NHS: variants seen among roughly 807,000 people sequenced by gnomAD.
NHS encodes NHS actin remodeling regulator.
In NHS, 5 loss-of-function variants were observed where a neutral mutation model predicts 72.5. The ratio of observed to expected loss-of-function variants is 0.07; its 90% CI spans 0.04 to 0.14. The LOEUF is 0.14. Among genes scored for constraint, NHS ranks in the 10% least tolerant of loss-of-function variants. The pLI is 1.00. For synonymous variants in NHS, 464 were observed against 547.7 expected, an observed-to-expected ratio of 0.85 and a Z score of 2.13; for missense variants, 1,072 against 1,355.7, an observed-to-expected ratio of 0.79 and a Z score of 3.29.
chrX:17,703,084 C>A (rs1379006253), intron 3 of NHS, among the ~76,000 whole-genome samples: 1 of 109,225 alleles, frequency 9.2e-6, no homozygotes, highest in African/African-American at 3.4e-5. Flanking sequence ...GCCTGGGCAA[C>A]ATTGTGAGAC....
intron 1 of NHS, among the ~76,000 whole-genome samples, chrX:17,568,552 G>A (rs1331202783): frequency 2.8e-5 from 3 of 105,351 alleles, no homozygotes; most frequent in Non-Finnish European, 5.8e-5. Flanking sequence ...TGAAACGAAA[G>A]TTTATTTCTT....
Position 17,599,768 on chromosome X carries a change from C to G in NHS, c.566-87974C>G. Among the ~76,000 whole-genome samples, 2 of 111,374 alleles carry G rather than the reference C, an allele frequency of 1.8e-5. 1 individual carries two copies. Among genetic ancestry groups the G allele is most frequent in the East Asian group, 5.6e-4 (2 of 3,557 alleles). ...TATTTAACGGGATGGGTTGATGACT[C>G]TAGTACCGTTCTTTGCTGGATAAAG... On this transcript the variant is annotated intron_variant, in intron 1 of 8. Coordinates refer to ENST00000676302, the MANE Select transcript of NHS (RefSeq NM_001291867.2).
chrX:17,615,827 T>G (rs2065743662), intron 1 of NHS, among the ~76,000 whole-genome samples: 1 of 88,493 alleles, frequency 1.1e-5, no homozygotes, highest in Admixed American at 1.4e-4. Context: ...ACAGTTCATC[T>G]TAAGTGTTAC....
At chrX:17,610,327 A>G (rs1015793806) in intron 1 of NHS, among the ~76,000 whole-genome samples, 13 of 112,572 alleles carry the variant, frequency 1.2e-4, no homozygotes, top group African/African-American at 4.2e-4. Context: ...GAATATTACC[A>G]AAACATAATT....
In NHS at chrX:17,728,273, T is replaced by C. The variant is rs767452227; in HGVS notation, c.4167T>C (p.Ser1389=). The C allele has an allele frequency of 1.1e-4, 128 of 1,210,465 alleles. No homozygotes were observed. The South Asian group carries it at 2.1e-3, about 19-fold the overall frequency. The change falls in exon 7 of 9, where the codon TCT becomes TCC. Residue 1389 remains serine (S), a synonymous_variant. Transcript: ENST00000676302. The part of the protein sequence containing the change: ...IASGISAKSA[S]DNSKAEETQG... ...CAGGTATTTCAGCCAAAAGTGCCTC[T>C]GATAACAGCAAAGCAGAGGAGACCC...
intron 1 of NHS, among the ~76,000 whole-genome samples, chrX:17,576,216 A>G (rs781547287): frequency 7.1e-5 from 8 of 112,081 alleles, no homozygotes; most frequent in Admixed American, 1.9e-4. Flanking sequence ...ATAATCAGTC[A>G]TGTATATATT....
In NHS at chrX:17,572,491, C is replaced by CTTTTTTTTTTTT. The variant is rs760577193; in HGVS notation, c.566-115240_566-115229dup. 2.8e-4 allele frequency among the ~76,000 whole-genome samples: 13 copies of CTTTTTTTTTTTT among 46,764 alleles called. 1 individual carries two copies. The highest frequency in any genetic ancestry group is 7.4e-4 in the East Asian group (1 of 1,349). 40.6% of individuals were successfully genotyped at this position (46,764 alleles called of 115,157 possible). On this transcript the variant is annotated intron_variant, in intron 1 of 8. Transcript: ENST00000676302. ...TCAGAGACCAGGACTGCAACCCCTGCTTTTTTTTTTTTTTTTTTTTTTGCT... is the reference window on the plus strand; with the variant it reads ...TCAGAGACCAGGACTGCAACCCCTGCTTTTTTTTTTTTTTTTTTTTTTTTTTTTTTTTTTGCT...
chrX:17,534,034 G>A (rs1193489500), intron 1 of NHS, among the ~76,000 whole-genome samples: 4 of 112,150 alleles, frequency 3.6e-5, no homozygotes, highest in Non-Finnish European at 3.8e-5. Flanking sequence ...CCCTTTTGAT[G>A]ATGAGTTCTC....
At chrX:17,385,187 T>A (rs2064399851) in intron 1 of NHS, among the ~76,000 whole-genome samples, 1 of 112,051 alleles carries the variant, frequency 8.9e-6, no homozygotes, top group Non-Finnish European at 1.9e-5. Context: ...CATCTCTCAA[T>A]CCATTAATGT....
chrX:17,631,762 G>T (rs2065822863), intron 1 of NHS, among the ~76,000 whole-genome samples: 1 of 111,889 alleles, frequency 8.9e-6, no homozygotes, highest in African/African-American at 3.3e-5. Context: ...GTATCAGCTG[G>T]GGATCAACAA....
At chrX:17,508,309 G>A (rs1392712442) in intron 1 of NHS, among the ~76,000 whole-genome samples, 1 of 110,846 alleles carries the variant, frequency 9.0e-6, no homozygotes, top group Admixed American at 9.6e-5. Flanking sequence ...CATATAACTG[G>A]AATCATACAA....
intron 1 of NHS, among the ~76,000 whole-genome samples, chrX:17,411,853 A>AT (rs1396716000): frequency 9.9e-5 from 11 of 111,170 alleles, no homozygotes; most frequent in Admixed American, 2.9e-4. Context: ...TGAGCAAGTA[A>AT]TTTTTTTTGA....
chrX:17,415,014 G>A (rs896441647), intron 1 of NHS, among the ~76,000 whole-genome samples: 2 of 111,272 alleles, frequency 1.8e-5, no homozygotes, highest in African/African-American at 6.5e-5. Flanking sequence ...TCTTGGTACT[G>A]AGCCTGCCCT....
At position 17,411,520 on chromosome X, in the gene NHS, G is replaced by A. The variant is rs140495250; in HGVS notation, c.565+35198G>A. ...TCACAGTCTGTGTCACCTTCAGGGC[G>A]TGGGTTTGACAGAAGATGACAGTAG... On this transcript the variant is annotated intron_variant, in intron 1 of 8. Coordinates refer to ENST00000676302, the MANE Select transcript of NHS (RefSeq NM_001291867.2). Among the ~76,000 whole-genome samples, 25 of 111,740 alleles carry A rather than the reference G, an allele frequency of 2.2e-4. No individual in the cohort carries two copies. The East Asian group carries it at 6.2e-3, about 28-fold the overall frequency.
At chrX:17,392,104 T>C (rs1213268327) in intron 1 of NHS, among the ~76,000 whole-genome samples, 1 of 111,660 alleles carries the variant, frequency 9.0e-6, no homozygotes, top group East Asian at 2.8e-4. Context: ...TAATAATTGC[T>C]CCAATTGTAG....
At chrX:17,615,237 CGT>C (rs1491456916) in intron 1 of NHS, among the ~76,000 whole-genome samples, 1 of 94,104 alleles carries the variant, frequency 1.1e-5, no homozygotes, top group African/African-American at 4.2e-5. Context: ...CATATATATA[CGT>C]ATATATATAC....
chrX:17,685,133 C>T (rs1488926630), intron 1 of NHS, among the ~76,000 whole-genome samples: 1 of 111,534 alleles, frequency 9.0e-6, no homozygotes, highest in Admixed American at 9.5e-5. Context: ...ACAGTTTTCC[C>T]TGGAAGAGCT....
At position 17,561,564 on chromosome X, in the gene NHS, G is replaced by A. The variant is rs200951417; in HGVS notation, c.566-126178G>A. Among the ~76,000 whole-genome samples, 289 of 66,786 alleles carry A rather than the reference G, an allele frequency of 4.3e-3. 1 individual carries two copies. The highest frequency in any genetic ancestry group is 5.5e-3 in the Non-Finnish European group (222 of 40,628). 58.0% of individuals were successfully genotyped at this position (66,786 alleles called of 115,157 possible). A position where few individuals can be genotyped will look rare whatever the true frequency, so the allele number is the denominator to read the frequency against. On this transcript the variant is annotated intron_variant, in intron 1 of 8. Transcript: ENST00000676302. ...TTCACACATGCAAGTGCATGCGCGC[G>A]CGCGCGCGCGCACACACACACACAC...
chrX:17,398,867 T>G (rs2064488829), intron 1 of NHS, among the ~76,000 whole-genome samples: 1 of 112,007 alleles, frequency 8.9e-6, no homozygotes, highest in Non-Finnish European at 1.9e-5. Context: ...TAGACTCTAC[T>G]TCTTGACTGG....
Sources: allele counts gnomAD v4.1 joint callset (sites outside exome capture counted in the v4.1 genomes callset), GRCh38; gene constraint gnomAD v4.1.1; transcripts MANE v1.5; gene names NCBI Gene and HGNC (gene_info 2026-07-23, HGNC 2026-07-21).